The following ANK2 variants were observed in gnomAD, a reference collection of about 807,000 sequenced individuals.
ANK2 encodes ankyrin-2.
A neutral mutation model predicts 360.5 loss-of-function variants in ANK2; 83 were observed. The observed-to-expected ratio is 0.23, with a 90% confidence interval of 0.19 to 0.28. ANK2 has a LOEUF of 0.28. Ranked by LOEUF, ANK2 falls within the 10% of genes least tolerant of loss-of-function variation. ANK2 has a pLI of 1.00. For synonymous variants in ANK2, 1,740 were observed against 1,759.5 expected, an observed-to-expected ratio of 0.99 and a Z score of 0.28; for missense variants, 4,201 against 4,795.7, an observed-to-expected ratio of 0.88 and a Z score of 3.66.
At chr4:113,085,993 C>T (rs2084557446) in intron 1 of ANK2, among the ~76,000 whole-genome samples, 1 of 152,086 alleles carries the variant, frequency 6.6e-6, no homozygotes, top group African/African-American at 2.4e-5. Flanking sequence ...AACTTCAAGT[C>T]CCCATAGGCT....
intron 1 of ANK2, among the ~76,000 whole-genome samples, chr4:112,850,490 T>C (rs1421319251): frequency 7.4e-6 from 1 of 135,450 alleles, no homozygotes; most frequent in African/African-American, 2.8e-5. Context: ...TTTTTTAACA[T>C]TTCCTGTGCT....
rs1329321003 is a variant in ANK2, at chr4:113,317,750, G to A, written c.2737G>A (p.Ala913Thr). ...SSDRSHTLSH[A>T]SYLRDSAVMD... ...CGACAGGTCTCACACTCTGAGCCAT[G>A]CCTCCTACCTGAGGGACAGTGCCGT... Residue 913 changes from alanine to threonine, a missense_variant, in exon 25 of 46, where the codon GCC becomes ACC. By Grantham distance (58) the Ala-to-Thr change is moderately conservative. Around this residue, in one of 4 missense-constraint regions of ANK2, gnomAD observed 1,268 missense variants for 1,650.8 expected, o/e 0.77. Coordinates refer to ENST00000357077, the MANE Select transcript of ANK2 (RefSeq NM_001148.6). 6.2e-7 allele frequency: 1 copy of A among 1,614,118 alleles called. No homozygotes were observed. Among genetic ancestry groups the A allele is most frequent in the Admixed American group, 1.7e-5 (1 of 60,016 alleles).
intron 2 of ANK2, among the ~76,000 whole-genome samples, chr4:112,924,901 C>T (rs2092316411): frequency 6.7e-6 from 1 of 148,230 alleles, no homozygotes; most frequent in Non-Finnish European, 1.5e-5. Context: ...TGCAGTGGCG[C>T]GATCTCAGCT....
the ANK2 span, among the ~76,000 whole-genome samples, chr4:112,706,273 A>G: frequency 6.6e-6 from 1 of 152,004 alleles, no homozygotes; most frequent in African/African-American, 2.4e-5. Flanking sequence ...CGCGTCCCCC[A>G]AGGGCGGGGA....
the ANK2 span, among the ~76,000 whole-genome samples, chr4:112,801,196 T>C: frequency 6.6e-6 from 1 of 151,874 alleles, no homozygotes; most frequent in South Asian, 2.1e-4. Context: ...TTATTTTTTG[T>C]GTGTGGGATT....
At chr4:113,081,466 T>C (rs1021529948) in intron 1 of ANK2, among the ~76,000 whole-genome samples, 3 of 152,232 alleles carry the variant, frequency 2.0e-5, no homozygotes, top group African/African-American at 7.2e-5. Context: ...ATTCTCGTAG[T>C]ATGACATTAG....
chr4:113,257,856 A>G (rs1341801594), intron 11 of ANK2, among the ~76,000 whole-genome samples, 194 bp from the exon 12 acceptor site: 1 of 152,240 alleles, frequency 6.6e-6, no homozygotes, highest in Admixed American at 6.5e-5. Context: ...GTACAGGCCC[A>G]CCACACATAA....
In ANK2 at chr4:113,274,505, C is replaced by T. The variant is rs1193723935; in HGVS notation, c.1539C>T (p.Val513=). ...IASRLGKTEI[V]QLLLQHMAHP... ...CCCGCCTGGGTAAGACAGAAATTGT[C>T]CAGCTGCTTCTACAACATATGGCTC... The change falls in exon 15 of 46, where the codon GTC becomes GTT. Residue 513 remains valine (V), a synonymous_variant. Transcript: ENST00000357077. The T allele has an allele frequency of 1.2e-6, 2 of 1,614,204 alleles. No homozygotes were observed. Among genetic ancestry groups the T allele is most frequent in the Admixed American group, 1.7e-5 (1 of 60,022 alleles).
At chr4:113,034,421 A>T (rs1014458850) in intron 2 of ANK2, 12 of 152,184 alleles carry the variant, frequency 7.9e-5, no homozygotes, top group African/African-American at 2.9e-4. Flanking sequence ...GAAAATATTC[A>T]GGAGAAAAGA....
the ANK2 span, among the ~76,000 whole-genome samples, chr4:112,802,979 G>T: frequency 6.4e-4 from 97 of 152,250 alleles, no homozygotes; most frequent in Non-Finnish European, 1.1e-3. Flanking sequence ...GGCTGCAGTG[G>T]TTATTTATAG....
chr4:113,040,813 T>C (rs1420849960), intron 2 of ANK2, among the ~76,000 whole-genome samples: 1 of 152,094 alleles, frequency 6.6e-6, no homozygotes, highest in Non-Finnish European at 1.5e-5. Context: ...TGCTAACTAA[T>C]TGTGGTACCT....
intron 1 of ANK2, among the ~76,000 whole-genome samples, chr4:113,059,488 G>A (rs1037108035): frequency 3.9e-5 from 6 of 152,108 alleles, no homozygotes; most frequent in Non-Finnish European, 7.4e-5. Flanking sequence ...GTGTTCAAAA[G>A]AGACTGTATA....
In ANK2 at chr4:112,882,548, G is replaced by T. The variant is rs974701607; in HGVS notation, c.-39-21907G>T. Among the ~76,000 whole-genome samples the T allele has an allele frequency of 2.8e-4, 43 of 152,236 alleles. No individual in the cohort carries two copies. In the Middle Eastern group the frequency reaches 0.01, roughly 36 times the overall value. On this transcript the variant is annotated intron_variant, in intron 1 of 30. Transcript: ENST00000503271. Reference sequence around the variant, plus strand: ...ATCTGGGGGTGGGAATGTGCCAGCTGTTCAATGATTCAGAAAAATAAGAAT... The same window carrying T: ...ATCTGGGGGTGGGAATGTGCCAGCTTTTCAATGATTCAGAAAAATAAGAAT...
intron 2 of ANK2, among the ~76,000 whole-genome samples, chr4:112,981,855 T>G (rs1285024639): frequency 6.6e-6 from 1 of 152,154 alleles, no homozygotes; most frequent in Non-Finnish European, 1.5e-5. Flanking sequence ...TCCAAGATTG[T>G]GTGGGGGCCA....
intron 2 of ANK2, among the ~76,000 whole-genome samples, chr4:113,186,315 T>A (rs144182005): frequency 0.038 from 5,718 of 152,260 alleles, 166 homozygotes; most frequent in Non-Finnish European, 0.055. Flanking sequence ...GGGGCCTGAC[T>A]GTTAGAAGGA....
At chr4:112,998,015 C>T (rs2049242349) in intron 2 of ANK2, among the ~76,000 whole-genome samples, 1 of 151,556 alleles carries the variant, frequency 6.6e-6, no homozygotes, top group Non-Finnish European at 1.5e-5. Context: ...CCTTAAAGGC[C>T]ATCTTTTGAG....
In ANK2 at chr4:113,373,441, C is replaced by T. The variant is rs1178733830; in HGVS notation, c.11851C>T (p.Gln3951Ter). 6.2e-7 allele frequency: 1 copy of T among 1,614,096 alleles called. No individual in the cohort carries two copies. Among genetic ancestry groups the T allele is most frequent in the South Asian group, 1.1e-5 (1 of 91,066 alleles). Residue 3951 changes from glutamine (Q) to a stop codon, truncating the protein, a stop_gained, in exon 45 of 46, where the codon CAG (glutamine) becomes TAG (stop). Coordinates refer to ENST00000357077, the MANE Select transcript of ANK2 (RefSeq NM_001148.6). LOFTEE classifies it high-confidence loss of function. The part of the protein sequence containing the change: ...KRVVLKSDTE[Q>*]SEDNNE ...TGTTGTATTGAAGAGTGACACCGAG[C>T]AGTCAGAGGTGAGACAACCTGATTC...
intron 1 of ANK2, among the ~76,000 whole-genome samples, chr4:112,858,954 T>A (rs1404669031): frequency 6.6e-6 from 1 of 152,260 alleles, no homozygotes; most frequent in Admixed American, 6.5e-5. Flanking sequence ...AAGCAAGGTT[T>A]CAGACCAAGT....
the ANK2 span, chr4:112,798,759 C>T: frequency 1.3e-5 from 2 of 152,164 alleles, no homozygotes; most frequent in Non-Finnish European, 2.9e-5. Context: ...CAGGACTGGC[C>T]ATCTATCTTA....
Sources: allele counts gnomAD v4.1 joint callset (sites outside exome capture counted in the v4.1 genomes callset), GRCh38; gene constraint gnomAD v4.1.1; regional missense constraint gnomAD v4.1.1; transcripts MANE v1.5; gene names NCBI Gene and HGNC (gene_info 2026-07-23, HGNC 2026-07-21).